FTO: variants seen among roughly 807,000 people sequenced by gnomAD.
FTO encodes alpha-ketoglutarate-dependent dioxygenase FTO.
Under a neutral mutation model 63.9 loss-of-function variants are expected in FTO, and 47 were observed. The observed-to-expected ratio is 0.74, with a 90% CI of 0.58 to 0.94. FTO has a LOEUF of 0.94. FTO is among the 40% of genes least tolerant of loss of function. FTO has a pLI of 0.00. For synonymous variants in FTO, 207 were observed against 224.4 expected (o/e 0.92, Z 0.69); for missense variants, 562 against 618.1 (o/e 0.91, Z 0.96).
chr16:53,913,246 A>C (rs1450268345), intron 7 of FTO, among the ~76,000 whole-genome samples: 1 of 152,246 alleles, frequency 6.6e-6, no homozygotes, highest in Non-Finnish European at 1.5e-5. Context: ...ATTACCCCAC[A>C]GTTTGGATCA....
At chr16:53,809,196 A>G (rs570223117) in intron 1 of FTO, among the ~76,000 whole-genome samples, 6 of 152,216 alleles carry the variant, frequency 3.9e-5, no homozygotes, top group East Asian at 1.9e-4. Flanking sequence ...GCCTCAGACA[A>G]TGCTGGCTTT....
chr16:54,074,917 AGTGTGTGTGT>A (rs3040381), intron 8 of FTO, among the ~76,000 whole-genome samples: 1 of 134,168 alleles, frequency 7.5e-6, no homozygotes, highest in Non-Finnish European at 1.6e-5. Flanking sequence ...AGAGAGAGAG[AGTGTGTGTGT>A]GTGTGTGTGT....
At chr16:54,012,562 C>T (rs1481986273) in intron 8 of FTO, among the ~76,000 whole-genome samples, 1 of 152,178 alleles carries the variant, frequency 6.6e-6, no homozygotes, top group African/African-American at 2.4e-5. Context: ...TGCCATGTAG[C>T]ATTTTTATAG....
intron 3 of FTO, among the ~76,000 whole-genome samples, chr16:53,840,249 C>T (rs551070348): frequency 6.6e-6 from 1 of 151,940 alleles, no homozygotes; most frequent in East Asian, 1.9e-4. Context: ...TTAGTGCCCC[C>T]CTAGAATGAA....
At chr16:53,818,218 G>A (rs1338713540) in intron 2 of FTO, among the ~76,000 whole-genome samples, 2 of 148,384 alleles carry the variant, frequency 1.3e-5, no homozygotes, top group East Asian at 2.0e-4. Context: ...TTCATAGTAC[G>A]TTTATGTGTC....
At chr16:53,983,338 A>C (rs1490384456) in intron 8 of FTO, among the ~76,000 whole-genome samples, 1 of 152,082 alleles carries the variant, frequency 6.6e-6, no homozygotes, top group Non-Finnish European at 1.5e-5. Context: ...CATGCAACAG[A>C]CCCCTAGGGT....
intron 8 of FTO, among the ~76,000 whole-genome samples, chr16:53,987,002 T>C (rs567480537): frequency 6.6e-6 from 1 of 152,330 alleles, no homozygotes; most frequent in African/African-American, 2.4e-5. Context: ...GTAATTAGGT[T>C]ACATCTGTTT....
At chr16:53,771,158 T>C (rs2077326048) in intron 1 of FTO, among the ~76,000 whole-genome samples, 1 of 152,136 alleles carries the variant, frequency 6.6e-6, no homozygotes, top group Admixed American at 6.6e-5. Context: ...ACTCTGAAGG[T>C]AGAATGTGGG....
At chr16:54,037,633 G>A (rs1457288033) in intron 8 of FTO, among the ~76,000 whole-genome samples, 2 of 152,114 alleles carry the variant, frequency 1.3e-5, no homozygotes, top group Non-Finnish European at 2.9e-5. Flanking sequence ...TTGCCTAGAC[G>A]TGTTTCAATT....
intron 8 of FTO, among the ~76,000 whole-genome samples, chr16:54,089,893 G>A (rs1303285044): frequency 2.0e-5 from 3 of 151,742 alleles, no homozygotes. Context: ...AAATAACAAG[G>A]CAAGCATGTG....
chr16:53,823,995 C>A (rs2078938096), intron 2 of FTO, among the ~76,000 whole-genome samples: 1 of 152,230 alleles, frequency 6.6e-6, no homozygotes, highest in African/African-American at 2.4e-5. Flanking sequence ...CATCTGTCCA[C>A]TTATCTTTGT....
chr16:54,036,823 T>G (rs1030621982), intron 8 of FTO, among the ~76,000 whole-genome samples: 2 of 152,220 alleles, frequency 1.3e-5, no homozygotes, highest in African/African-American at 4.8e-5. Context: ...TTATGAAGAC[T>G]GTTAACTGTG....
At chr16:53,787,454 A>G (rs894907191) in intron 1 of FTO, among the ~76,000 whole-genome samples, 3 of 151,940 alleles carry the variant, frequency 2.0e-5, no homozygotes, top group African/African-American at 7.3e-5. Context: ...TCAGGATACT[A>G]AGGATTTTCC....
chr16:53,722,254 A>T (rs77370378), intron 1 of FTO, among the ~76,000 whole-genome samples: 16,010 of 152,090 alleles, frequency 0.11, 1,664 homozygotes, highest in African/African-American at 0.27. Context: ...TTACATTTTG[A>T]GATTGCTTAT....
Position 53,873,450 on chromosome 16 carries a change from T to TTA in FTO, c.896-328_896-327dup, listed in dbSNP as rs1003107102. 7.3e-5 allele frequency among the ~76,000 whole-genome samples: 11 copies of TTA among 149,906 alleles called. No homozygotes were observed. In the Admixed American group the frequency reaches 7.4e-4, roughly 10 times the overall value. On this transcript the variant is annotated intron_variant, in intron 4 of 8. Coordinates refer to ENST00000471389, the MANE Select transcript of FTO (RefSeq NM_001080432.3). ...TACATATTTAGTTATATACATATGA[T>TTA]TATATATATCTACTTATATATACTT...
intron 2 of FTO, among the ~76,000 whole-genome samples, chr16:53,818,341 T>C (rs2078758448): frequency 6.6e-6 from 1 of 152,282 alleles, no homozygotes; most frequent in East Asian, 1.9e-4. Flanking sequence ...TTATTATTTG[T>C]TTTCACTGTG....
At chr16:54,065,275 G>A (rs1031072881) in intron 8 of FTO, among the ~76,000 whole-genome samples, 6 of 151,828 alleles carry the variant, frequency 4.0e-5, no homozygotes, top group East Asian at 1.9e-4. Flanking sequence ...TTCTGCCTCC[G>A]CCTTCCCAGT....
intron 8 of FTO, among the ~76,000 whole-genome samples, chr16:54,083,544 G>A (rs1490547808): frequency 2.0e-5 from 3 of 152,142 alleles, no homozygotes; most frequent in Admixed American, 6.6e-5. Flanking sequence ...ACAATAATAT[G>A]CCAGTTTTAG....
intron 1 of FTO, among the ~76,000 whole-genome samples, chr16:53,787,501 T>C (rs7206629): frequency 0.44 from 66,394 of 151,342 alleles, 14,996 homozygotes; most frequent in African/African-American, 0.53. Flanking sequence ...CCCTGTTGGT[T>C]GAAGTTAAAT....
Sources: gnomAD v4.1 joint callset for allele counts (sites outside exome capture counted in the v4.1 genomes callset) on GRCh38, gnomAD v4.1.1 for gene constraint, MANE v1.5 for transcripts, NCBI Gene and HGNC (gene_info 2026-07-23, HGNC 2026-07-21) for gene names.